Variants in HCLS1 observed in about 807,000 individuals in gnomAD.
HCLS1 encodes hematopoietic cell-specific Lyn substrate 1.
In HCLS1, 44 loss-of-function variants were observed where a neutral mutation model predicts 68.6. The ratio of observed to expected loss-of-function variants is 0.64; its 90% CI spans 0.50 to 0.82. HCLS1 has a LOEUF of 0.82. Among genes scored for constraint, HCLS1 ranks in the 40% least tolerant of loss-of-function variants. HCLS1 has a pLI of 0.00. For synonymous variants in HCLS1, 217 were observed against 225.8 expected (o/e 0.96, Z 0.35); for missense variants, 602 against 612.1 (o/e 0.98, Z 0.17).
In HCLS1 at chr3:121,655,462, C is replaced by CTTTTTTTTTT. The variant is rs1181452367; in HGVS notation, c.158+1807_158+1816dup. 21 of 50,104 alleles carry CTTTTTTTTTT rather than the reference C, an allele frequency of 4.2e-4. 1 individual carries two copies. The highest frequency in any genetic ancestry group is 6.4e-4 in the Non-Finnish European group (17 of 26,526). The allele number at this position is 50,104 out of a possible 1,614,324, so 3.1% of individuals were successfully genotyped here. A position where few individuals can be genotyped will look rare whatever the true frequency, so the allele number is the denominator to read the frequency against. ...CATTTTTTTATGAGGGTTGCTTGCTCTTTTTTTTTTTTTTTTTTTTTTTTT... is the reference window on the plus strand; with the variant it reads ...CATTTTTTTATGAGGGTTGCTTGCTCTTTTTTTTTTTTTTTTTTTTTTTTTTTTTTTTTTT... On this transcript the variant is annotated intron_variant, in intron 3 of 13. Coordinates refer to ENST00000314583, the MANE Select transcript of HCLS1 (RefSeq NM_005335.6).
chr3:121,645,777 C>T (rs7427165), intron 4 of HCLS1, among the ~76,000 whole-genome samples: 32,863 of 149,580 alleles, frequency 0.22, 4,137 homozygotes, highest in Non-Finnish European at 0.29. Flanking sequence ...ATGAATGAGT[C>T]AAAAAATATA....
rs573134499 is a variant in HCLS1, at chr3:121,646,597, T to C, written c.288+722A>G. ...CATATATTAATATATATAATATATATTAATATATATACTTATTATATATTA... is the reference window on the plus strand; with the variant it reads ...CATATATTAATATATATAATATATACTAATATATATACTTATTATATATTA... On this transcript the variant is annotated intron_variant, in intron 4 of 13. Coordinates refer to ENST00000314583, the MANE Select transcript of HCLS1 (RefSeq NM_005335.6). Among the ~76,000 whole-genome samples the C allele has an allele frequency of 3.7e-4, 41 of 111,310 alleles. 1 individual carries two copies. The South Asian group carries it at 9.9e-3, about 27-fold the overall frequency. 73.0% of individuals were successfully genotyped at this position (111,310 alleles called of 152,430 possible).
chr3:121,658,220 C>G, intron 2 of HCLS1, 44 bp downstream of exon 2: 27 of 1,432,518 alleles, frequency 1.9e-5, no homozygotes, highest in Middle Eastern at 1.8e-4. Context: ...GCCCTCCTCA[C>G]CCCACCCTCT....
At chr3:121,650,708 C>T (rs1171709999) in intron 3 of HCLS1, among the ~76,000 whole-genome samples, 1 of 152,138 alleles carries the variant, frequency 6.6e-6, no homozygotes, top group Non-Finnish European at 1.5e-5. Flanking sequence ...GACAAAACAT[C>T]AAAGAAAGTC....
Position 121,641,965 on chromosome 3 carries a change from A to G in HCLS1, c.454+962T>C, listed in dbSNP as rs1388838044. On this transcript the variant is annotated intron_variant, in intron 6 of 13. Transcript: ENST00000314583. ...CGTAGTGGCGGGTGCCTGTAGTCCC[A>G]GCTACTCGGGAGGCTGAGGCAGGAG... Among the ~76,000 whole-genome samples, 4 of 148,384 alleles carry G rather than the reference A, an allele frequency of 2.7e-5. No individual in the cohort carries two copies. In the East Asian group the frequency reaches 8.0e-4, roughly 30 times the overall value.
rs138536890 is a variant in HCLS1 at position 121,644,802 on chromosome 3, G to T, written c.399+16C>A. On this transcript the variant is annotated intron_variant, in intron 5 of 13. Transcript: ENST00000314583. ...GGACTGGAGGTGGGTGGTTGGGAGA[G>T]AGAGTGGTCACTTACCTTGTCTGCC... 1 of 1,562,710 alleles carries T rather than the reference G, an allele frequency of 6.4e-7. No homozygotes were observed. Among genetic ancestry groups the T allele is most frequent in the Non-Finnish European group, 8.8e-7 (1 of 1,132,728 alleles).
chr3:121,634,065 A>C (rs1452919842), intron 10 of HCLS1, 142 bp downstream of exon 10: 3 of 1,416,598 alleles, frequency 2.1e-6, no homozygotes, highest in Admixed American at 2.6e-5. Flanking sequence ...AGTCAGACTG[A>C]AGTCTTCTAA....
intron 3 of HCLS1, chr3:121,653,525 T>C (rs1312350725): frequency 1.3e-5 from 2 of 152,204 alleles, no homozygotes; most frequent in Non-Finnish European, 2.9e-5. Context: ...GTTATAGCCA[T>C]GGCTCTTCCC....
At chr3:121,633,862 A>C (rs935524354) in intron 10 of HCLS1, among the ~76,000 whole-genome samples, 1 of 152,182 alleles carries the variant, frequency 6.6e-6, no homozygotes, top group African/African-American at 2.4e-5. Flanking sequence ...TACATTTACC[A>C]GGAACACCCT....
intron 2 of HCLS1, 161 bp downstream of exon 2, chr3:121,658,103 C>T (rs1472662931): frequency 1.6e-6 from 1 of 636,866 alleles, no homozygotes; most frequent in Non-Finnish European, 2.9e-6. Context: ...GTGCATGCCC[C>T]ACAGGTGACA....
In HCLS1 at chr3:121,631,751, T is replaced by C; in HGVS notation, c.*95A>G. The C allele has an allele frequency of 7.2e-7, 1 of 1,383,554 alleles. No homozygotes were observed. The highest frequency in any genetic ancestry group is 1.3e-5 in the South Asian group (1 of 77,894). The allele number at this position is 1,383,554 out of a possible 1,614,324, so 85.7% of individuals were successfully genotyped here. On this transcript the variant is annotated 3_prime_UTR_variant, in exon 14 of 14. Coordinates refer to ENST00000314583, the MANE Select transcript of HCLS1 (RefSeq NM_005335.6). ...AGAGGGAAGTCTGTCCAGAACCTCA[T>C]CTGGTTAGACATTTGCAGCAGGAAT...
Position 121,642,513 on chromosome 3 carries a change from C to T in HCLS1, c.454+414G>A, listed in dbSNP as rs578254775. On this transcript the variant is annotated intron_variant, in intron 6 of 13. Transcript: ENST00000314583. ...TAAAATAGCGGTGGGTGTGGTGGCT[C>T]ATGCCTGTAATCCCAGCACTTTGAG... Among the ~76,000 whole-genome samples the T allele has an allele frequency of 1.3e-4, 19 of 151,688 alleles. No individual in the cohort carries two copies. The East Asian group carries it at 2.9e-3, about 23-fold the overall frequency.
At chr3:121,657,412 C>G in intron 2 of HCLS1, 60 bp from the exon 3 acceptor site, 1 of 1,493,304 alleles carries the variant, frequency 6.7e-7, no homozygotes. Flanking sequence ...TTGAGAAGGG[C>G]CACCCAACTG....
At chr3:121,656,503 A>G (rs1048954661) in intron 3 of HCLS1, among the ~76,000 whole-genome samples, 2 of 152,212 alleles carry the variant, frequency 1.3e-5, no homozygotes, top group African/African-American at 2.4e-5. Context: ...GCCTGAATGT[A>G]TGACATATCC....
At chr3:121,657,205 C>G in intron 3 of HCLS1, 74 bp downstream of exon 3, 1 of 1,262,468 alleles carries the variant, frequency 7.9e-7, no homozygotes. Flanking sequence ...CCCTCACCTT[C>G]CCCCAAGTCT....
rs544791573 is a variant in HCLS1, at chr3:121,656,575, T to TTGTC, written c.158+703_158+704insGACA. Reference sequence around the variant, plus strand: ...ATCTTCTGGTATCGGAGGGTTTTGTTTGTTTGTTTGTTTCTGGTAAAATGC... The same window carrying TTGTC: ...ATCTTCTGGTATCGGAGGGTTTTGTTTGTCTGTTTGTTTGTTTCTGGTAAAATGC... On this transcript the variant is annotated intron_variant, in intron 3 of 13. Coordinates refer to ENST00000314583, the MANE Select transcript of HCLS1 (RefSeq NM_005335.6). Among the ~76,000 whole-genome samples the TTGTC allele has an allele frequency of 7.0e-4, 106 of 152,128 alleles. No individual in the cohort carries two copies. In the East Asian group the frequency reaches 0.014, roughly 19 times the overall value.
chr3:121,658,210 GCCCT>G, intron 2 of HCLS1, 50 bp downstream of exon 2: 1 of 1,308,252 alleles, frequency 7.6e-7, no homozygotes, highest in Non-Finnish European at 1.1e-6. Context: ...TGGCCCAGAT[GCCCT>G]CCTCACCCCA....
In HCLS1 at chr3:121,653,146, T is replaced by C. The variant is rs1937787350; in HGVS notation, c.158+4133A>G. Among the ~76,000 whole-genome samples the C allele has an allele frequency of 2.6e-5, 4 of 152,312 alleles. No homozygotes were observed. In the South Asian group the frequency reaches 8.3e-4, roughly 32 times the overall value. ...CATATACACTATATTAAGGAAGGTA[T>C]TAAAGAAGAACTAAATAAATGAAGG... On this transcript the variant is annotated intron_variant, in intron 3 of 13. Coordinates refer to ENST00000314583, the MANE Select transcript of HCLS1 (RefSeq NM_005335.6).
At chr3:121,651,415 GT>G (rs1217037605) in intron 3 of HCLS1, among the ~76,000 whole-genome samples, 1 of 152,052 alleles carries the variant, frequency 6.6e-6, no homozygotes, top group Non-Finnish European at 1.5e-5. Flanking sequence ...GGTTAAGTTG[GT>G]TTTGTTGTTG....
Sources: allele counts gnomAD v4.1 joint callset (sites outside exome capture counted in the v4.1 genomes callset), GRCh38; gene constraint gnomAD v4.1.1; transcripts MANE v1.5; gene names NCBI Gene and HGNC (gene_info 2026-07-23, HGNC 2026-07-21).